The following SEMA3D variants were observed in gnomAD, a reference collection of about 807,000 sequenced individuals.
SEMA3D encodes the protein semaphorin 3D.
A neutral mutation model predicts 100.1 loss-of-function variants in SEMA3D; 84 were observed. That is an observed-to-expected ratio of 0.84 (90% CI 0.70 to 1.01). The LOEUF is 1.01. SEMA3D is among the 50% of genes least tolerant of loss of function. The probability of loss-of-function intolerance (pLI) is 0.00; values close to 1 mark genes in which losing one functional copy is unlikely to be tolerated. For synonymous variants in SEMA3D, 312 were observed against 320.7 expected, an observed-to-expected ratio of 0.97 and a Z score of 0.29; for missense variants, 875 against 934.1, an observed-to-expected ratio of 0.94 and a Z score of 0.82.
At chr7:85,040,852 A>C in intron 10 of SEMA3D, 110 bp from the exon 11 acceptor site, 1 of 621,026 alleles carries the variant, frequency 1.6e-6, no homozygotes, top group Non-Finnish European at 2.9e-6. Flanking sequence ...TACGATTAAC[A>C]GAGGCACTAT....
At chr7:85,074,622 CAT>C (rs10610475) in intron 5 of SEMA3D, among the ~76,000 whole-genome samples, 19,966 of 148,826 alleles carry the variant, frequency 0.13, 1,458 homozygotes, top group African/African-American at 0.22. Flanking sequence ...TTTCAACTGG[CAT>C]ATATATATAT....
intron 8 of SEMA3D, among the ~76,000 whole-genome samples, chr7:85,058,406 T>G (rs1791381971): frequency 6.6e-6 from 1 of 152,102 alleles, no homozygotes; most frequent in Non-Finnish European, 1.5e-5. Flanking sequence ...AAATCTCTTT[T>G]TTTTTAATCG....
intron 12 of SEMA3D, chr7:85,028,105 C>T (rs903005735): frequency 4.1e-5 from 26 of 628,000 alleles, no homozygotes; most frequent in Middle Eastern, 4.5e-4. Context: ...TGGCCTTTCA[C>T]GGTGGTAAAT....
At chr7:85,117,961 C>A (rs2116390655) in intron 3 of SEMA3D, among the ~76,000 whole-genome samples, 1 of 151,506 alleles carries the variant, frequency 6.6e-6, no homozygotes, top group East Asian at 1.9e-4. Context: ...AAGATATAAT[C>A]CCATGATAGT....
chr7:85,109,008 T>C (rs1789013439), intron 3 of SEMA3D, among the ~76,000 whole-genome samples: 1 of 151,992 alleles, frequency 6.6e-6, no homozygotes, highest in African/African-American at 2.4e-5. Flanking sequence ...CTGTTATCTG[T>C]GGTAGCAAAA....
chr7:85,080,950 C>T (rs1788040872), intron 5 of SEMA3D, among the ~76,000 whole-genome samples: 1 of 152,134 alleles, frequency 6.6e-6, no homozygotes, highest in African/African-American at 2.4e-5. Context: ...TTTATATAAT[C>T]ATTATTACTA....
At chr7:85,165,277 TAA>T (rs5885454) in intron 1 of SEMA3D, among the ~76,000 whole-genome samples, 13 of 149,554 alleles carry the variant, frequency 8.7e-5, no homozygotes, top group South Asian at 2.1e-4. Context: ...AATTAAATGG[TAA>T]AAAAAAAAAC....
chr7:85,077,472 G>A (rs966688814), intron 5 of SEMA3D, among the ~76,000 whole-genome samples: 1 of 151,712 alleles, frequency 6.6e-6, no homozygotes, highest in African/African-American at 2.4e-5. Flanking sequence ...TTATAAGTCT[G>A]TAAATAATCA....
At chr7:85,142,010 T>C (rs560707597) in intron 2 of SEMA3D, 1 of 979,518 alleles carries the variant, frequency 1.0e-6, no homozygotes, top group East Asian at 1.1e-4. Flanking sequence ...ATCAAGGTAC[T>C]ATTTAAATTT....
rs1562780041 is a variant in SEMA3D, at chr7:85,006,816, C to T, written c.1894G>A (p.Glu632Lys). The change falls in exon 18 of 19, where the codon GAG (glutamate) becomes AAG (lysine). Residue 632 changes from glutamate (E) to lysine (K), a missense_variant. Glu to Lys is a moderately conservative substitution (Grantham distance 56). Coordinates refer to ENST00000284136, the MANE Select transcript of SEMA3D (RefSeq NM_001384900.1). ...IKWYIQRSGD[E>K]HREELKPDER... is the part of the protein sequence containing the mutation. ...CAACAGCTTACCTCCTCTCGATGCT[C>T]ATCCCCTGACCTCTGGATATACCAT... 1.3e-6 allele frequency: 2 copies of T among 1,594,364 alleles called. No homozygotes were observed. The highest frequency in any genetic ancestry group is 1.3e-5 in the African/African-American group (1 of 74,116).
chr7:85,039,187 T>C (rs1217163787), intron 11 of SEMA3D, among the ~76,000 whole-genome samples: 1 of 152,078 alleles, frequency 6.6e-6, no homozygotes, highest in Non-Finnish European at 1.5e-5. Flanking sequence ...ATAGTCAAAT[T>C]TAAGTTACTG....
At chr7:85,177,241 A>G (rs557803622) in intron 1 of SEMA3D, among the ~76,000 whole-genome samples, 1 of 152,340 alleles carries the variant, frequency 6.6e-6, no homozygotes, top group African/African-American at 2.4e-5. Flanking sequence ...GTAAGATGGT[A>G]GCCATATTTG....
intron 1 of SEMA3D, among the ~76,000 whole-genome samples, chr7:85,165,947 C>G (rs907349101): frequency 6.6e-6 from 1 of 151,890 alleles, no homozygotes; most frequent in African/African-American, 2.4e-5. Flanking sequence ...GTTCATATAC[C>G]TTAAAAGGAC....
Position 84,999,520 on chromosome 7 carries a change from G to A in SEMA3D, c.2254C>T (p.His752Tyr), listed in dbSNP as rs1465374808. 1 of 1,613,936 alleles carries A rather than the reference G, an allele frequency of 6.2e-7. No individual in the cohort carries two copies. Among genetic ancestry groups the A allele is most frequent in the South Asian group, 1.1e-5 (1 of 91,088 alleles). The change falls in exon 19 of 19, where the codon CAC becomes TAC. Residue 752 changes from histidine (H) to tyrosine (Y), a missense_variant. Transcript: ENST00000284136. The stretch of plus-strand genomic sequence containing the variant: ...CGTTTCTTCTTCATTTCCTGCATGT[G>A]CTTCCACTTTGGGCCCCCCTTGTTT... ...QRNKGGPKWK[H>Y]MQEMKKKRNR...
intron 6 of SEMA3D, among the ~76,000 whole-genome samples, chr7:85,071,571 T>C (rs1469868491): frequency 6.6e-6 from 1 of 152,252 alleles, no homozygotes; most frequent in Non-Finnish European, 1.5e-5. Flanking sequence ...TACATCATTA[T>C]GCAATGTCAT....
At chr7:85,056,575 G>A (rs1791323984) in intron 8 of SEMA3D, among the ~76,000 whole-genome samples, 1 of 149,934 alleles carries the variant, frequency 6.7e-6, no homozygotes, top group Non-Finnish European at 1.5e-5. Context: ...CTTTTTATAT[G>A]TGTATATATG....
the SEMA3D span, among the ~76,000 whole-genome samples, chr7:85,225,060 A>G: frequency 0.017 from 41 of 2,420 alleles, 3 homozygotes; most frequent in African/African-American, 0.051. Context: ...TTATATATAT[A>G]TATATATATA....
chr7:85,142,035 T>G, intron 2 of SEMA3D: 1 of 982,148 alleles, frequency 1.0e-6, no homozygotes, highest in Non-Finnish European at 1.2e-6. Context: ...GCCAGCAAAA[T>G]AGAAGGTAAG....
chr7:85,057,943 A>G (rs1408596634), intron 8 of SEMA3D, among the ~76,000 whole-genome samples: 4 of 152,200 alleles, frequency 2.6e-5, no homozygotes, highest in Admixed American at 2.6e-4. Flanking sequence ...AAAGAAAATA[A>G]GTAAATAAAA....
Sources: gnomAD v4.1 joint callset for allele counts (sites outside exome capture counted in the v4.1 genomes callset) on GRCh38, gnomAD v4.1.1 for gene constraint, MANE v1.5 for transcripts, NCBI Gene and HGNC (gene_info 2026-07-23, HGNC 2026-07-21) for gene names.